GLI2: variants seen among roughly 807,000 people sequenced by gnomAD.
GLI2 encodes transcription activator GLI2.
In GLI2, 22 loss-of-function variants were observed where a neutral mutation model predicts 78.9. The ratio of observed to expected loss-of-function variants is 0.28; its 90% CI spans 0.20 to 0.40. The LOEUF (loss-of-function observed/expected upper bound fraction) is 0.40. Among genes scored for constraint, GLI2 ranks in the 10% least tolerant of loss-of-function variants. GLI2 has a pLI of 1.00. For missense variants in GLI2, 2,097 were observed against 2,213.2 expected (o/e 0.95, Z 1.05); for synonymous variants, 974 against 963.7 (o/e 1.01, Z -0.20).
At chr2:120,785,588 C>CCTGG in intron 1 of GLI2, among the ~76,000 whole-genome samples, 1 of 152,146 alleles carries the variant, frequency 6.6e-6, no homozygotes, top group East Asian at 1.9e-4. Context: ...GAGCTACCAC[C>CCTGG]CTGGATCTGC....
At chr2:120,747,929 A>G (rs1007589061) in intron 1 of GLI2, among the ~76,000 whole-genome samples, 7 of 152,190 alleles carry the variant, frequency 4.6e-5, no homozygotes, top group Non-Finnish European at 8.8e-5. Context: ...TCCTTGTGTA[A>G]TCCATCAGTC....
chr2:120,962,073 T>TGATATGTTG, intron 5 of GLI2, among the ~76,000 whole-genome samples: 1 of 152,056 alleles, frequency 6.6e-6, no homozygotes, highest in South Asian at 2.1e-4. Flanking sequence ...CAGGTATAGA[T>TGATATGTTG]GATATGTTGG....
chr2:120,931,978 G>A (rs140668240), intron 3 of GLI2, among the ~76,000 whole-genome samples: 1,758 of 152,232 alleles, frequency 0.012, 15 homozygotes, highest in Middle Eastern at 0.095. Flanking sequence ...AGACTGAGTG[G>A]GGGACACAGC....
chr2:120,791,078 A>AT (rs1684140775), intron 1 of GLI2, among the ~76,000 whole-genome samples: 1 of 152,184 alleles, frequency 6.6e-6, no homozygotes, highest in South Asian at 2.1e-4. Flanking sequence ...ACAGACACAC[A>AT]GTGGATGCAG....
At chr2:120,900,777 G>C (rs1678214317) in intron 2 of GLI2, among the ~76,000 whole-genome samples, 1 of 152,238 alleles carries the variant, frequency 6.6e-6, no homozygotes, top group African/African-American at 2.4e-5. Context: ...TGAGCGGTTT[G>C]CTCAGGATGG....
At chr2:120,910,351 G>A (rs1329737881) in intron 2 of GLI2, among the ~76,000 whole-genome samples, 1 of 152,172 alleles carries the variant, frequency 6.6e-6, no homozygotes, top group African/African-American at 2.4e-5. Context: ...AATGGGGGAG[G>A]GATGGTGGCA....
intron 3 of GLI2, among the ~76,000 whole-genome samples, chr2:120,929,896 G>T (rs919619712): frequency 6.6e-6 from 1 of 152,294 alleles, no homozygotes; most frequent in Admixed American, 6.5e-5. Context: ...AACTAGTTGG[G>T]CCACCCAAAA....
chr2:120,885,550 C>T (rs543091306), intron 2 of GLI2, among the ~76,000 whole-genome samples: 4 of 152,314 alleles, frequency 2.6e-5, no homozygotes, highest in South Asian at 2.1e-4. Context: ...TTCATCTCAC[C>T]GACTGCCTCA....
intron 3 of GLI2, among the ~76,000 whole-genome samples, chr2:120,931,787 G>A (rs1282302996): frequency 6.6e-6 from 1 of 152,210 alleles, no homozygotes; most frequent in Non-Finnish European, 1.5e-5. Flanking sequence ...TTACTTCCGT[G>A]AGGGCAAGGA....
At chr2:120,736,805 C>T (rs13010929) in intron 1 of GLI2, among the ~76,000 whole-genome samples, 1 of 151,956 alleles carries the variant, frequency 6.6e-6, no homozygotes, top group African/African-American at 2.4e-5. Flanking sequence ...TTCTTTCTTC[C>T]TTCCTCAATC....
At chr2:120,945,617 C>T (rs1680670220) in intron 3 of GLI2, among the ~76,000 whole-genome samples, 3 of 152,144 alleles carry the variant, frequency 2.0e-5, no homozygotes, top group African/African-American at 7.2e-5. Context: ...CAGAGGGACT[C>T]AAGTCAAGAA....
In GLI2 at chr2:120,989,129, C is replaced by T. The variant is rs1378085616; in HGVS notation, c.3164C>T (p.Ala1055Val). The T allele has an allele frequency of 1.2e-6, 2 of 1,612,962 alleles. No homozygotes were observed. Among genetic ancestry groups the T allele is most frequent in the Admixed American group, 1.7e-5 (1 of 60,032 alleles). The change falls in exon 14 of 14, where the codon GCG (alanine) becomes GTG (valine). Residue 1055 changes from alanine to valine, a missense_variant. Ala to Val is a moderately conservative substitution (Grantham distance 64). Coordinates refer to ENST00000361492, the MANE Select transcript of GLI2 (RefSeq NM_001374353.1). The stretch of plus-strand genomic sequence containing the variant: ...GACGACGTGGTGCAGTACATCAAGG[C>T]GCACGCCAGTGGCGCTCTGGACGAG... ...LPDDVVQYIK[A>V]HASGALDEGT...
At chr2:120,960,160 A>C (rs990125330) in intron 5 of GLI2, among the ~76,000 whole-genome samples, 2 of 152,188 alleles carry the variant, frequency 1.3e-5, no homozygotes, top group Non-Finnish European at 2.9e-5. Flanking sequence ...AGCAGCACAC[A>C]AGCCCTGCCT....
At chr2:120,853,014 C>T (rs940803558) in intron 2 of GLI2, among the ~76,000 whole-genome samples, 2 of 152,172 alleles carry the variant, frequency 1.3e-5, no homozygotes, top group African/African-American at 2.4e-5. Flanking sequence ...TTGGGCAAAT[C>T]GAAAATCCCA....
At chr2:120,984,405 G>C in intron 11 of GLI2, 66 bp from the exon 12 acceptor site, 1 of 1,537,180 alleles carries the variant, frequency 6.5e-7, no homozygotes, top group Non-Finnish European at 9.0e-7. Context: ...GGAGAACAGG[G>C]AGAGCGCCCC....
chr2:120,795,535 GAAAA>G (rs34682755), intron 1 of GLI2, among the ~76,000 whole-genome samples: 34,382 of 142,808 alleles, frequency 0.24, 7,795 homozygotes, highest in African/African-American at 0.59. Flanking sequence ...ATAAAAAAAT[GAAAA>G]AAAAAAAAAC....
At chr2:120,888,605 T>C (rs1241498872) in intron 2 of GLI2, among the ~76,000 whole-genome samples, 1 of 151,896 alleles carries the variant, frequency 6.6e-6, no homozygotes, top group Non-Finnish European at 1.5e-5. Context: ...CAGGGCCTAC[T>C]AGGGTGTGGT....
intron 2 of GLI2, among the ~76,000 whole-genome samples, chr2:120,877,087 T>C (rs1317677530): frequency 6.6e-6 from 1 of 152,154 alleles, no homozygotes; most frequent in Non-Finnish European, 1.5e-5. Context: ...TGCATTTGCA[T>C]GGGGCTTGGC....
chr2:120,956,800 TG>T (rs1034330562), intron 5 of GLI2, among the ~76,000 whole-genome samples: 1 of 151,866 alleles, frequency 6.6e-6, no homozygotes, highest in African/African-American at 2.4e-5. Flanking sequence ...GGTGGGCTGG[TG>T]GGAAATCATG....
Sources: gnomAD v4.1 joint callset for allele counts (sites outside exome capture counted in the v4.1 genomes callset) on GRCh38, gnomAD v4.1.1 for gene constraint, MANE v1.5 for transcripts, NCBI Gene and HGNC (gene_info 2026-07-23, HGNC 2026-07-21) for gene names.